ITGA1: variants seen among roughly 807,000 people sequenced by gnomAD.
ITGA1 encodes the protein integrin alpha-1.
A neutral mutation model predicts 145.9 loss-of-function variants in ITGA1; 85 were observed. The observed-to-expected ratio is 0.58, with a 90% CI of 0.49 to 0.70. The LOEUF is 0.70. ITGA1 is among the 30% of genes least tolerant of loss of function. The pLI, the probability that ITGA1 is intolerant of heterozygous loss-of-function variation, is 0.00. For synonymous variants in ITGA1, 520 were observed against 495.3 expected (o/e 1.05, Z -0.66); for missense variants, 1,351 against 1,418.7 (o/e 0.95, Z 0.77).
chr5:52,915,150 G>A (rs373195444), intron 14 of ITGA1, among the ~76,000 whole-genome samples: 1 of 152,092 alleles, frequency 6.6e-6, no homozygotes, highest in Non-Finnish European at 1.5e-5. Flanking sequence ...GATGGGATTG[G>A]CTAGGAAGCA....
chr5:52,873,019 T>C lies in ITGA1; in HGVS notation c.624+7202T>C, dbSNP rs77345590. The stretch of plus-strand genomic sequence containing the variant: ...GACGACAGAATTGTGCCTTAGTCTT[T>C]TCATTTATGGAAGATAGTCTAGGGT... On this transcript the variant is annotated intron_variant, in intron 6 of 28. Coordinates refer to ENST00000282588, the MANE Select transcript of ITGA1 (RefSeq NM_181501.2). Among the ~76,000 whole-genome samples, 938 of 152,304 alleles carry C rather than the reference T, an allele frequency of 6.2e-3. 10 individuals carry two copies. Among genetic ancestry groups the C allele is most frequent in the African/African-American group, 0.018 (761 of 41,566 alleles).
At chr5:52,799,339 C>G (rs1000885635) in intron 1 of ITGA1, among the ~76,000 whole-genome samples, 2 of 152,200 alleles carry the variant, frequency 1.3e-5, no homozygotes, top group Non-Finnish European at 1.5e-5. Flanking sequence ...CTTCCCATAG[C>G]CTCGGCTTTT....
intron 1 of ITGA1, among the ~76,000 whole-genome samples, chr5:52,794,701 C>G (rs1339956183): frequency 1.3e-5 from 2 of 151,602 alleles, no homozygotes; most frequent in Non-Finnish European, 3.0e-5. Flanking sequence ...TCCCTTTTAC[C>G]CTTTTGTCTA....
chr5:52,871,587 A>G (rs1304486671), intron 6 of ITGA1, among the ~76,000 whole-genome samples: 1 of 151,920 alleles, frequency 6.6e-6, no homozygotes, highest in Non-Finnish European at 1.5e-5. Flanking sequence ...TATTTCCCAA[A>G]GTAACTGTTA....
chr5:52,833,784 A>G (rs1749113181), intron 1 of ITGA1, among the ~76,000 whole-genome samples: 1 of 152,192 alleles, frequency 6.6e-6, no homozygotes, highest in African/African-American at 2.4e-5. Flanking sequence ...ATATAACTCC[A>G]TAAACTATGA....
chr5:52,911,404 TATA>T (rs1260314494), intron 14 of ITGA1, among the ~76,000 whole-genome samples: 10 of 134,644 alleles, frequency 7.4e-5, no homozygotes, highest in Non-Finnish European at 1.5e-4. Context: ...ATATATAGTA[TATA>T]GTGTATATAC....
chr5:52,819,273 A>C (rs1401507340), intron 1 of ITGA1, among the ~76,000 whole-genome samples: 2 of 152,316 alleles, frequency 1.3e-5, no homozygotes, highest in East Asian at 1.9e-4. Flanking sequence ...ACAGTGTAAA[A>C]GTGTTCCTAT....
chr5:52,926,871 C>T (rs1750819472), intron 19 of ITGA1, among the ~76,000 whole-genome samples: 1 of 152,096 alleles, frequency 6.6e-6, no homozygotes, highest in Admixed American at 6.5e-5. Flanking sequence ...TCACTTATTT[C>T]ATTTTCATTA....
At chr5:52,834,402 G>A (rs950865661) in intron 1 of ITGA1, among the ~76,000 whole-genome samples, 5 of 151,848 alleles carry the variant, frequency 3.3e-5, no homozygotes, top group Admixed American at 2.6e-4. Flanking sequence ...ATCCTCACAC[G>A]GCCTTATCTC....
In ITGA1 at chr5:52,905,802, T is replaced by C. The variant is rs769082243; in HGVS notation, c.1349T>C (p.Val450Ala). Reference sequence around the variant, plus strand: ...TCTGCTACTGCTTCTTCTGGAGATGTGCTCTATATTGCTGGACAGCCTCGG... The same window carrying C: ...TCTGCTACTGCTTCTTCTGGAGATGCGCTCTATATTGCTGGACAGCCTCGG... The part of the protein sequence containing the change: ...VNSATASSGD[V>A]LYIAGQPRYN... Residue 450 changes from valine (V) to alanine (A), a missense_variant, in exon 12 of 29, where the codon GTG (valine) becomes GCG (alanine). By Grantham distance (64) the Val-to-Ala change is moderately conservative (BLOSUM62 0). Transcript: ENST00000282588. The C allele has an allele frequency of 1.9e-6, 3 of 1,613,616 alleles. No homozygotes were observed. Among genetic ancestry groups the C allele is most frequent in the Non-Finnish European group, 2.5e-6 (3 of 1,179,698 alleles).
At chr5:52,939,784 T>C in intron 25 of ITGA1, 56 bp from the exon 26 acceptor site, 4 of 1,340,196 alleles carry the variant, frequency 3.0e-6, no homozygotes, top group South Asian at 1.2e-5. Flanking sequence ...AATTTAAATA[T>C]AGATATTTGA....
At chr5:52,885,131 G>C (rs142743454) in intron 7 of ITGA1, among the ~76,000 whole-genome samples, 211 of 152,216 alleles carry the variant, frequency 1.4e-3, no homozygotes, top group African/African-American at 4.8e-3. Flanking sequence ...AAAGGTGTCA[G>C]AGCTGCCATT....
In ITGA1 at chr5:52,869,966, T is replaced by C. The variant is rs373520402; in HGVS notation, c.624+4149T>C. On this transcript the variant is annotated intron_variant, in intron 6 of 28. Coordinates refer to ENST00000282588, the MANE Select transcript of ITGA1 (RefSeq NM_181501.2). The stretch of plus-strand genomic sequence containing the variant: ...ACATTTAATAGGGTTTTAAGTATAA[T>C]GCATGTGAACTCTTTTTAAAGTTTG... Among the ~76,000 whole-genome samples, 37 of 152,356 alleles carry C rather than the reference T, an allele frequency of 2.4e-4. 1 individual carries two copies. In the East Asian group the frequency reaches 6.2e-3, roughly 25 times the overall value.
rs6895049 is a variant in ITGA1, at chr5:52,953,043, T to G, written c.*592T>G. On this transcript the variant is annotated 3_prime_UTR_variant, in exon 29 of 29. Transcript: ENST00000282588. ...TCTATACCTAAAAATTTTCCCTCCC[T>G]GCCCAAGGTGATTGGAAAGTACTGC... The G allele has an allele frequency of 0.52, 79,250 of 151,810 alleles. 21,270 individuals are homozygous for G. Among genetic ancestry groups the G allele is most frequent in the Middle Eastern group, 0.59 (172 of 292 alleles). 9.4% of individuals were successfully genotyped at this position (151,810 alleles called of 1,614,324 possible). A position where few individuals can be genotyped will look rare whatever the true frequency, so the allele number is the denominator to read the frequency against.
chr5:52,828,770 C>G (rs1379507754), intron 1 of ITGA1, among the ~76,000 whole-genome samples: 1 of 152,120 alleles, frequency 6.6e-6, no homozygotes, highest in African/African-American at 2.4e-5. Flanking sequence ...GGCCAGAAGT[C>G]CAAAACCAAG....
At chr5:52,830,841 A>C (rs1377588147) in intron 1 of ITGA1, among the ~76,000 whole-genome samples, 1 of 152,034 alleles carries the variant, frequency 6.6e-6, no homozygotes, top group Non-Finnish European at 1.5e-5. Flanking sequence ...GCAAACTGGG[A>C]CCTCCCTCAG....
At chr5:52,944,821 C>T (rs1336816741) in intron 26 of ITGA1, 122 bp from the exon 27 acceptor site, 1 of 662,412 alleles carries the variant, frequency 1.5e-6, no homozygotes, top group African/African-American at 1.8e-5. Context: ...TGGAAGTTAA[C>T]AAAACTGGAA....
chr5:52,944,872 C>G, intron 26 of ITGA1, 71 bp from the exon 27 acceptor site: 1 of 1,010,220 alleles, frequency 9.9e-7, no homozygotes, highest in Non-Finnish European at 1.5e-6. Context: ...TATAAATGTC[C>G]TACTCAAACA....
chr5:52,893,864 G>T (rs746561918), intron 9 of ITGA1, 24 bp downstream of exon 9: 2 of 1,562,062 alleles, frequency 1.3e-6, no homozygotes, highest in South Asian at 2.3e-5. Flanking sequence ...TCTTATTGCT[G>T]CATGTTCTCT....
Sources: allele counts gnomAD v4.1 joint callset (sites outside exome capture counted in the v4.1 genomes callset), GRCh38; gene constraint gnomAD v4.1.1; transcripts MANE v1.5; gene names NCBI Gene and HGNC (gene_info 2026-07-23, HGNC 2026-07-21).